Variants in FARS2 observed in about 807,000 individuals in gnomAD.
The protein encoded by FARS2 is phenylalanine--tRNA ligase, mitochondrial.
FARS2 carries 40 observed loss-of-function variants against 46.4 expected under a neutral mutation model. The ratio of observed to expected loss-of-function variants is 0.86; its 90% CI spans 0.67 to 1.12. The LOEUF (loss-of-function observed/expected upper bound fraction) is 1.12, where lower values mean the gene tolerates loss of function less well. Ranked by LOEUF, FARS2 falls within the 50% of genes most tolerant of loss-of-function variation. FARS2 has a pLI of 0.00. For synonymous variants in FARS2, 234 were observed against 214.9 expected (o/e 1.09, Z -0.78); for missense variants, 513 against 567.9 (o/e 0.90, Z 0.98).
chr6:5,390,337 G>T (rs1175104722), intron 2 of FARS2, among the ~76,000 whole-genome samples: 17 of 152,218 alleles, frequency 1.1e-4, no homozygotes, highest in Admixed American at 1.1e-3. Context: ...TTAGGATTAA[G>T]TTAGAAAGCA....
chr6:5,668,121 C>G (rs1040028295), intron 6 of FARS2: 10 of 152,218 alleles, frequency 6.6e-5, no homozygotes, highest in African/African-American at 9.6e-5. Context: ...GGTCTGAAAA[C>G]AGATGAGAGG....
intron 4 of FARS2, among the ~76,000 whole-genome samples, chr6:5,503,528 A>G (rs1767933674): frequency 6.6e-6 from 1 of 151,790 alleles, no homozygotes; most frequent in Admixed American, 6.5e-5. Flanking sequence ...TGCATACCGC[A>G]AGTACATATG....
intron 3 of FARS2, among the ~76,000 whole-genome samples, chr6:5,405,480 C>CTTTTGTTTTTTTTTTTTTTT (rs1761519556): frequency 1.7e-5 from 1 of 58,946 alleles, no homozygotes; most frequent in African/African-American, 6.5e-5. Flanking sequence ...GAGCAAGGTT[C>CTTTTGTTTTTTTTTTTTTTT]TTTTTTTTTT....
chr6:5,504,140 A>C (rs1767968990), intron 4 of FARS2, among the ~76,000 whole-genome samples: 1 of 152,180 alleles, frequency 6.6e-6, no homozygotes, highest in South Asian at 2.1e-4. Context: ...ACAAAATTTA[A>C]TTTCAAAATT....
intron 6 of FARS2, among the ~76,000 whole-genome samples, chr6:5,683,020 A>G (rs1360133008): frequency 6.6e-6 from 1 of 152,228 alleles, no homozygotes; most frequent in African/African-American, 2.4e-5. Context: ...AAACGTGTTC[A>G]GAGAGGGAAG....
chr6:5,622,293 G>A lies in FARS2; in HGVS notation c.1217+8973G>A, dbSNP rs996937730. On this transcript the variant is annotated intron_variant, in intron 6 of 6. Coordinates refer to ENST00000274680, the MANE Select transcript of FARS2 (RefSeq NM_006567.5). ...CCGACCTGCCACCGGTCAGCTCCATGTGTAGAACTCTGTGTAACTGCAGCT... is the reference window on the plus strand; with the variant it reads ...CCGACCTGCCACCGGTCAGCTCCATATGTAGAACTCTGTGTAACTGCAGCT... Among the ~76,000 whole-genome samples, 4 of 152,212 alleles carry A rather than the reference G, an allele frequency of 2.6e-5. 1 individual carries two copies. Among genetic ancestry groups the A allele is most frequent in the Non-Finnish European group, 4.4e-5 (3 of 68,050 alleles).
Position 5,682,962 on chromosome 6 carries a change from C to T in FARS2, c.1217+69642C>T, listed in dbSNP as rs564088040. On this transcript the variant is annotated intron_variant, in intron 6 of 6. Transcript: ENST00000274680. ...GGCTGGGGACATAGCGGGAACAGCA[C>T]GTGCAAAGGCACTGAGGCAGAACCG... Among the ~76,000 whole-genome samples the T allele has an allele frequency of 1.8e-4, 27 of 152,202 alleles. No homozygotes were observed. The South Asian group carries it at 4.6e-3, about 26-fold the overall frequency.
At chr6:5,250,653 G>C in the FARS2 span, among the ~76,000 whole-genome samples, 2 of 152,172 alleles carry the variant, frequency 1.3e-5, no homozygotes, top group East Asian at 1.9e-4. Context: ...AAGAGGTCAG[G>C]TAACAATAGT....
At chr6:5,455,638 C>T (rs983578265) in intron 4 of FARS2, among the ~76,000 whole-genome samples, 1 of 152,178 alleles carries the variant, frequency 6.6e-6, no homozygotes, top group African/African-American at 2.4e-5. Flanking sequence ...GATCTATAAA[C>T]TGCTGCTTTC....
intron 1 of FARS2, among the ~76,000 whole-genome samples, chr6:5,346,030 A>T (rs191797709): frequency 6.6e-6 from 1 of 152,298 alleles, no homozygotes; most frequent in Admixed American, 6.5e-5. Context: ...GCAGGCCTGG[A>T]GCAGCAGTGC....
chr6:5,399,239 A>T (rs3003869), intron 2 of FARS2, among the ~76,000 whole-genome samples: 12,064 of 149,600 alleles, frequency 0.081, 1,061 homozygotes, highest in African/African-American at 0.21. Flanking sequence ...CAGTGGCATG[A>T]TGTAGGCGCA....
chr6:5,609,066 G>GT (rs1775016193), intron 5 of FARS2, among the ~76,000 whole-genome samples: 1 of 152,044 alleles, frequency 6.6e-6, no homozygotes, highest in Non-Finnish European at 1.5e-5. Flanking sequence ...ACAGTCCTCA[G>GT]TTTTTTGCCC....
At chr6:5,620,385 G>C (rs1184156655) in intron 6 of FARS2, among the ~76,000 whole-genome samples, 5 of 152,174 alleles carry the variant, frequency 3.3e-5, no homozygotes, top group Non-Finnish European at 4.4e-5. Context: ...GAGCAGTGGG[G>C]AGAAGGGATA....
intron 4 of FARS2, among the ~76,000 whole-genome samples, chr6:5,438,584 A>C (rs980616050): frequency 2.6e-5 from 4 of 151,522 alleles, no homozygotes; most frequent in Non-Finnish European, 5.9e-5. Flanking sequence ...CTGTATTTTC[A>C]TTTCTATCAA....
intron 6 of FARS2, among the ~76,000 whole-genome samples, chr6:5,736,630 A>G: frequency 6.6e-6 from 1 of 152,168 alleles, no homozygotes; most frequent in Non-Finnish European, 1.5e-5. Context: ...TAGTTTAAAA[A>G]CAAGCTAGAA....
chr6:5,286,605 C>T (rs1007693885), intron 1 of FARS2, among the ~76,000 whole-genome samples: 4 of 152,078 alleles, frequency 2.6e-5, no homozygotes, highest in African/African-American at 9.7e-5. Context: ...ACTACCCATG[C>T]TCTATCACTC....
chr6:5,503,524 C>T (rs1178857724), intron 4 of FARS2, among the ~76,000 whole-genome samples: 3 of 151,138 alleles, frequency 2.0e-5, no homozygotes, highest in African/African-American at 4.9e-5. Context: ...TTATTGCATA[C>T]CGCAAGTACA....
chr6:5,621,900 C>T (rs554960809), intron 6 of FARS2, among the ~76,000 whole-genome samples: 3 of 152,348 alleles, frequency 2.0e-5, no homozygotes, highest in Non-Finnish European at 2.9e-5. Flanking sequence ...GTCCTTCCTT[C>T]TGCTGGCCAG....
intron 4 of FARS2, among the ~76,000 whole-genome samples, chr6:5,492,636 C>T (rs887534279): frequency 5.9e-5 from 9 of 152,184 alleles, no homozygotes; most frequent in Non-Finnish European, 1.3e-4. Flanking sequence ...GGCATATTTT[C>T]TATGAACTTT....
Sources: gnomAD v4.1 joint callset for allele counts (sites outside exome capture counted in the v4.1 genomes callset) on GRCh38, gnomAD v4.1.1 for gene constraint, MANE v1.5 for transcripts, NCBI Gene and HGNC (gene_info 2026-07-23, HGNC 2026-07-21) for gene names.